The following PDE1A variants were observed in gnomAD, a reference collection of about 807,000 sequenced individuals.
The protein encoded by PDE1A is dual specificity calcium/calmodulin-dependent 3',5'-cyclic nucleotide phosphodiesterase 1A.
Under a neutral mutation model 61.7 loss-of-function variants are expected in PDE1A, and 35 were observed. The observed-to-expected ratio is 0.57, with a 90% CI of 0.43 to 0.75. The LOEUF is 0.75. Among genes scored for constraint, PDE1A ranks in the 30% least tolerant of loss-of-function variants. The pLI, the probability that PDE1A is intolerant of heterozygous loss-of-function variation, is 0.00. For synonymous variants in PDE1A, 232 were observed against 213.2 expected, an observed-to-expected ratio of 1.09 and a Z score of -0.77; for missense variants, 597 against 630.6, an observed-to-expected ratio of 0.95 and a Z score of 0.57.
At chr2:182,579,019 TA>T in the PDE1A span, among the ~76,000 whole-genome samples, 1 of 152,362 alleles carries the variant, frequency 6.6e-6, no homozygotes, top group East Asian at 1.9e-4. Context: ...AAAAGACACT[TA>T]GTTATCTATT....
At chr2:182,399,323 T>C (rs181947852) in intron 1 of PDE1A, among the ~76,000 whole-genome samples, 160 of 152,108 alleles carry the variant, frequency 1.1e-3, no homozygotes, top group African/African-American at 3.5e-3. Context: ...ACCATCAAAA[T>C]AGAATACAGA....
At chr2:182,143,311 C>CA (rs5836825), downstream of PDE1A, among the ~76,000 whole-genome samples, 31 of 151,120 alleles carry the variant, frequency 2.1e-4, no homozygotes, top group African/African-American at 7.1e-4. Flanking sequence ...TCCACAATTT[C>CA]AAAAAAAAAC....
At chr2:182,177,132 T>G (rs1684308272) in intron 13 of PDE1A, among the ~76,000 whole-genome samples, 1 of 150,808 alleles carries the variant, frequency 6.6e-6, no homozygotes, top group South Asian at 2.1e-4. Flanking sequence ...ATCAAGGATA[T>G]TGGTCTAAAA....
chr2:182,505,175 G>A (rs1689327741), intron 2 of PDE1A, among the ~76,000 whole-genome samples: 1 of 152,190 alleles, frequency 6.6e-6, no homozygotes, highest in African/African-American at 2.4e-5. Flanking sequence ...ACTAATCACT[G>A]AAAGATACTG....
rs188374866 is a variant in PDE1A, at chr2:182,398,251, A to G, written c.53+28327T>C. On this transcript the variant is annotated intron_variant, in intron 1 of 13. Transcript: ENST00000351439. Reference sequence around the variant, plus strand: ...CTTAAGAGGCAGACAGATATTTAATATTCATACTGGAAATAGCCATATCCA... The same window carrying G: ...CTTAAGAGGCAGACAGATATTTAATGTTCATACTGGAAATAGCCATATCCA... Among the ~76,000 whole-genome samples the G allele has an allele frequency of 3.3e-5, 5 of 152,082 alleles. No homozygotes were observed. In the East Asian group the frequency reaches 7.7e-4, roughly 23 times the overall value.
the PDE1A span, among the ~76,000 whole-genome samples, chr2:182,635,947 ATTTTTTTTTTT>A: frequency 1.8e-5 from 1 of 55,272 alleles, no homozygotes; most frequent in Non-Finnish European, 3.2e-5. Context: ...TCTCACCGGT[ATTTTTTTTTTT>A]TTTTTTTTTT....
intron 1 of PDE1A, among the ~76,000 whole-genome samples, chr2:182,391,399 G>C (rs376045971): frequency 5.9e-5 from 9 of 152,264 alleles, no homozygotes; most frequent in African/African-American, 2.2e-4. Flanking sequence ...GAGTGAGCTG[G>C]AAATGCCTGA....
chr2:182,185,245 G>A (rs1185348305), intron 13 of PDE1A, among the ~76,000 whole-genome samples: 1 of 152,168 alleles, frequency 6.6e-6, no homozygotes, highest in African/African-American at 2.4e-5. Flanking sequence ...GTGGGAATGA[G>A]TGTGAGAAGA....
chr2:182,484,174 G>A (rs1222611982), intron 2 of PDE1A, among the ~76,000 whole-genome samples: 1 of 151,906 alleles, frequency 6.6e-6, no homozygotes, highest in East Asian at 1.9e-4. Flanking sequence ...AAATGTTTTT[G>A]AAAGGAAATA....
At chr2:182,687,830 T>C in the PDE1A span, among the ~76,000 whole-genome samples, 2 of 152,148 alleles carry the variant, frequency 1.3e-5, no homozygotes, top group Non-Finnish European at 2.9e-5. Flanking sequence ...AGAGAAGTCC[T>C]TAAAGGACCT....
rs73036249 is a variant in PDE1A at position 182,283,757 on chromosome 2, C to T, written c.54-19343G>A. On this transcript the variant is annotated intron_variant, in intron 1 of 13. Coordinates refer to ENST00000351439, the Ensembl canonical transcript of PDE1A. The stretch of plus-strand genomic sequence containing the variant: ...AAAGAACCATCACTACAACTTGACA[C>T]ATTTCGACAAAGTTGTAAAGATTAT... Among the ~76,000 whole-genome samples, 1,031 of 152,132 alleles carry T rather than the reference C, an allele frequency of 6.8e-3. 8 individuals carry two copies. Among genetic ancestry groups the T allele is most frequent in the African/African-American group, 0.023 (946 of 41,542 alleles).
the PDE1A span, among the ~76,000 whole-genome samples, chr2:182,530,443 A>C: frequency 6.6e-6 from 1 of 152,220 alleles, no homozygotes; most frequent in Non-Finnish European, 1.5e-5. Context: ...GATCTCAAAT[A>C]GGGTAAACCC....
chr2:182,282,885 A>G (rs1330185185), intron 1 of PDE1A, among the ~76,000 whole-genome samples: 1 of 152,018 alleles, frequency 6.6e-6, no homozygotes, highest in Non-Finnish European at 1.5e-5. Flanking sequence ...CTCAATTGGA[A>G]AATGTGGACA....
At chr2:182,592,724 T>C in the PDE1A span, among the ~76,000 whole-genome samples, 3 of 152,138 alleles carry the variant, frequency 2.0e-5, no homozygotes, top group African/African-American at 4.8e-5. Flanking sequence ...ATTATACTCC[T>C]GGTCAGGGTG....
At chr2:182,306,311 CT>C (rs1159122043) in intron 1 of PDE1A, among the ~76,000 whole-genome samples, 1 of 152,068 alleles carries the variant, frequency 6.6e-6, no homozygotes, top group African/African-American at 2.4e-5. Flanking sequence ...GCAGATATCT[CT>C]TTGACATACT....
intron 2 of PDE1A, among the ~76,000 whole-genome samples, chr2:182,460,388 T>C (rs149885756): frequency 6.6e-5 from 10 of 152,202 alleles, no homozygotes; most frequent in South Asian, 4.1e-4. Context: ...TCTGATCCCA[T>C]GGAATATTGA....
rs1252231293 is a variant in PDE1A at position 182,188,967 on chromosome 2, C to A, written c.1207+12G>T. The A allele has an allele frequency of 5.1e-6, 8 of 1,580,118 alleles. No individual in the cohort carries two copies. The highest frequency in any genetic ancestry group is 6.1e-6 in the Non-Finnish European group (7 of 1,150,232). ...ACACTCACTTTCCACCACCACAAAT[C>A]ATCAGAATTACCTATTTGTGACTGG... On this transcript the variant is annotated intron_variant, in intron 11 of 13. Coordinates refer to ENST00000351439, the Ensembl canonical transcript of PDE1A.
chr2:182,426,827 G>A (rs1281084089), exon 1 of PDE1A: 1 of 1,398,222 alleles, frequency 7.2e-7, no homozygotes, highest in Non-Finnish European at 9.3e-7. Context: ...GGCCACATAA[G>A]ACAGGCACGT....
intron 1 of PDE1A, among the ~76,000 whole-genome samples, chr2:182,309,256 A>C (rs949320776): frequency 6.6e-6 from 1 of 151,050 alleles, no homozygotes; most frequent in African/African-American, 2.4e-5. Context: ...TGTAAACTTA[A>C]GTAAAGAAAA....
Sources: allele counts gnomAD v4.1 joint callset (sites outside exome capture counted in the v4.1 genomes callset), GRCh38; gene constraint gnomAD v4.1.1; transcripts MANE v1.5; gene names NCBI Gene and HGNC (gene_info 2026-07-23, HGNC 2026-07-21).